TBC1D1: variants seen among roughly 807,000 people sequenced by gnomAD.
TBC1D1 encodes TBC1 (tre-2/USP6, BUB2, cdc16) domain family, member 1.
Under a neutral mutation model 125.6 loss-of-function variants are expected in TBC1D1, and 89 were observed. That is an observed-to-expected ratio of 0.71 (90% CI 0.60 to 0.85). TBC1D1 has a LOEUF of 0.85. TBC1D1 is among the 40% of genes least tolerant of loss of function. The probability of loss-of-function intolerance (pLI) is 0.00; values close to 1 mark genes in which losing one functional copy is unlikely to be tolerated. For synonymous variants in TBC1D1, 565 were observed against 564.1 expected (o/e 1.00, Z -0.02); for missense variants, 1,377 against 1,469.2 (o/e 0.94, Z 1.03).
At chr4:38,027,188 G>A (rs1202578168) in intron 6 of TBC1D1, among the ~76,000 whole-genome samples, 1 of 152,188 alleles carries the variant, frequency 6.6e-6, no homozygotes, top group Non-Finnish European at 1.5e-5. Flanking sequence ...AGTTTTCTTA[G>A]CTGTAAACTG....
At chr4:37,903,778 A>G (rs1716682738) in intron 2 of TBC1D1, among the ~76,000 whole-genome samples, 3 of 152,170 alleles carry the variant, frequency 2.0e-5, no homozygotes, top group Non-Finnish European at 4.4e-5. Context: ...GTAGGAAGGC[A>G]GGAGCATCAG....
Position 37,915,711 on chromosome 4 carries a change from C to T in TBC1D1, c.417+13199C>T, listed in dbSNP as rs115494168. 6.4e-3 allele frequency among the ~76,000 whole-genome samples: 969 copies of T among 152,242 alleles called. 11 individuals carry two copies. The highest frequency in any genetic ancestry group is 0.022 in the African/African-American group (934 of 41,536). ...GTCAAAATTAAGCATCATCACGTCCCCTGTGCACCCATATTAATTTATTTC... is the reference window on the plus strand; with the variant it reads ...GTCAAAATTAAGCATCATCACGTCCTCTGTGCACCCATATTAATTTATTTC... On this transcript the variant is annotated intron_variant, in intron 2 of 19. Transcript: ENST00000261439.
At chr4:37,939,871 C>T (rs1725181437) in intron 2 of TBC1D1, among the ~76,000 whole-genome samples, 1 of 152,252 alleles carries the variant, frequency 6.6e-6, no homozygotes, top group African/African-American at 2.4e-5. Context: ...TGTTCTGTTC[C>T]ATTGGACTAT....
chr4:38,131,756 C>A (rs1387380768), intron 18 of TBC1D1, among the ~76,000 whole-genome samples: 2 of 152,202 alleles, frequency 1.3e-5, no homozygotes, highest in Non-Finnish European at 2.9e-5. Context: ...CCCTGCTGAC[C>A]TCACGGTCGC....
intron 2 of TBC1D1, among the ~76,000 whole-genome samples, chr4:37,972,454 C>T (rs1238625626): frequency 7.2e-6 from 1 of 138,702 alleles, no homozygotes; most frequent in Non-Finnish European, 1.5e-5. Context: ...GCACTCCAGC[C>T]TGGGCAACAA....
chr4:38,014,398 T>C lies in TBC1D1; in HGVS notation c.418-111T>C, dbSNP rs1007724788. 2.0e-5 allele frequency: 21 copies of C among 1,034,346 alleles called. No homozygotes were observed. The African/African-American group carries it at 2.8e-4, about 14-fold the overall frequency. The allele number at this position is 1,034,346 out of a possible 1,614,324, so 64.1% of individuals were successfully genotyped here. ...CTCCTCCAGTGGGCTCCTCCTCCAG[T>C]GCTCCGCAGTGGAGTAGCCAGCGGG... On this transcript the variant is annotated intron_variant, in intron 2 of 19. Transcript: ENST00000261439. This position sits in a 1 kb window ranked among gnomAD's most constrained non-coding sequence, Gnocchi z 5.1.
intron 15 of TBC1D1, among the ~76,000 whole-genome samples, chr4:38,104,990 C>G (rs1210642003): frequency 6.6e-6 from 1 of 152,030 alleles, no homozygotes. Context: ...CTCCTGACCT[C>G]GTGATCCTCC....
chr4:38,057,204 GTTCC>G (rs1332978037), intron 12 of TBC1D1, among the ~76,000 whole-genome samples: 1 of 152,108 alleles, frequency 6.6e-6, no homozygotes, highest in Non-Finnish European at 1.5e-5. Flanking sequence ...TCTGATGCAG[GTTCC>G]CACTAGCCCC....
intron 2 of TBC1D1, chr4:37,960,801 C>G (rs769138743): frequency 5.1e-5 from 83 of 1,614,164 alleles, no homozygotes; most frequent in Non-Finnish European, 7.0e-5. Context: ...CTTCAATCTT[C>G]TAGACTTTGA....
chr4:37,955,431 G>T (rs1365010098), intron 2 of TBC1D1, among the ~76,000 whole-genome samples: 1 of 152,190 alleles, frequency 6.6e-6, no homozygotes, highest in Non-Finnish European at 1.5e-5. Context: ...CATAGTATTT[G>T]CCTGTAACCT....
intron 1 of TBC1D1, among the ~76,000 whole-genome samples, chr4:37,900,295 A>C (rs1473349652): frequency 6.6e-6 from 1 of 152,176 alleles, no homozygotes; most frequent in Admixed American, 6.5e-5. Flanking sequence ...AGGCCTTACA[A>C]ACCAGGAATG....
At chr4:37,971,479 A>G (rs1203827080) in intron 2 of TBC1D1, among the ~76,000 whole-genome samples, 1 of 152,170 alleles carries the variant, frequency 6.6e-6, no homozygotes, top group Non-Finnish European at 1.5e-5. Flanking sequence ...CTCATTCACT[A>G]CCATGAGAAC....
intron 2 of TBC1D1, among the ~76,000 whole-genome samples, chr4:37,912,175 G>A (rs1268992313): frequency 6.6e-6 from 1 of 152,182 alleles, no homozygotes; most frequent in East Asian, 1.9e-4. Context: ...TTCATTTCAT[G>A]TTGAAGGGAA....
rs75941181 is a variant in TBC1D1, at chr4:37,981,914, G to C, written c.418-32595G>C. On this transcript the variant is annotated intron_variant, in intron 2 of 19. Transcript: ENST00000261439. ...GGTGATAGTGGTAGCTTGGACCTCA[G>C]TAATAAGAAAGGAATACCAGTGGAT... Among the ~76,000 whole-genome samples the C allele has an allele frequency of 4.2e-3, 645 of 152,322 alleles. 3 individuals are homozygous for C. The highest frequency in any genetic ancestry group is 0.017 in the Middle Eastern group (5 of 294).
chr4:38,075,103 A>G (rs188702167), intron 12 of TBC1D1, among the ~76,000 whole-genome samples: 14 of 152,314 alleles, frequency 9.2e-5, no homozygotes, highest in Admixed American at 3.9e-4. Context: ...CTCTTTAATG[A>G]TGTTTTTAGT....
At chr4:37,986,396 A>C (rs1037901248) in intron 2 of TBC1D1, among the ~76,000 whole-genome samples, 18 of 152,374 alleles carry the variant, frequency 1.2e-4, no homozygotes, top group African/African-American at 4.3e-4. Context: ...TACTAAAATC[A>C]AAACTATGCA....
intron 2 of TBC1D1, among the ~76,000 whole-genome samples, chr4:37,956,383 C>A (rs1728937801): frequency 6.6e-6 from 1 of 152,162 alleles, no homozygotes; most frequent in Non-Finnish European, 1.5e-5. Flanking sequence ...ACTCTCTTTT[C>A]ACTAGGATGT....
At chr4:38,026,928 A>G (rs1445637102) in intron 6 of TBC1D1, among the ~76,000 whole-genome samples, 1 of 152,264 alleles carries the variant, frequency 6.6e-6, no homozygotes, top group African/African-American at 2.4e-5. Flanking sequence ...AGCCACATGC[A>G]TCAATTTTCC....
chr4:37,973,121 C>T (rs1013653226), intron 2 of TBC1D1, among the ~76,000 whole-genome samples: 1 of 152,024 alleles, frequency 6.6e-6, no homozygotes, highest in Admixed American at 6.6e-5. Flanking sequence ...TCAAATCTAC[C>T]CAATTCAAAG....
Sources: allele counts gnomAD v4.1 joint callset (sites outside exome capture counted in the v4.1 genomes callset), GRCh38; gene constraint gnomAD v4.1.1; non-coding constraint Gnocchi (gnomAD v3.1); transcripts MANE v1.5; gene names NCBI Gene and HGNC (gene_info 2026-07-23, HGNC 2026-07-21).